Variants in ESR2 observed in about 807,000 individuals in gnomAD.
The protein encoded by ESR2 is estrogen receptor 2, also known as estrogen receptor beta.
Under a neutral mutation model 49.6 loss-of-function variants are expected in ESR2, and 36 were observed. The ratio of observed to expected loss-of-function variants is 0.73; its 90% CI spans 0.56 to 0.96. The LOEUF (loss-of-function observed/expected upper bound fraction) is 0.96, where lower values mean the gene tolerates loss of function less well. Ranked by LOEUF, ESR2 falls within the 40% of genes least tolerant of loss-of-function variation. The probability of loss-of-function intolerance (pLI) is 0.00; values close to 1 mark genes in which losing one functional copy is unlikely to be tolerated. For synonymous variants in ESR2, 320 were observed against 266.1 expected (o/e 1.20, Z -1.97); for missense variants, 714 against 693.0 (o/e 1.03, Z -0.34).
Position 64,234,959 on chromosome 14 carries a change from A to G in ESR2, c.1406+11T>C. 2 of 1,612,804 alleles carry G rather than the reference A, an allele frequency of 1.2e-6. No homozygotes were observed. Among genetic ancestry groups the G allele is most frequent in the Non-Finnish European group, 1.7e-6 (2 of 1,178,930 alleles). On this transcript the variant is annotated intron_variant, in intron 8 of 8. Coordinates refer to ENST00000341099, the MANE Select transcript of ESR2 (RefSeq NM_001437.3). Reference sequence around the variant, plus strand: ...CCAAGCCCAAGCAGAGCAGCTCCTTAGGGCGCGTACCTCGCATGCCTGACG... The same window carrying G: ...CCAAGCCCAAGCAGAGCAGCTCCTTGGGGCGCGTACCTCGCATGCCTGACG...
At chr14:64,272,707 T>G (rs2076475672) in intron 3 of ESR2, among the ~76,000 whole-genome samples, 1 of 152,222 alleles carries the variant, frequency 6.6e-6, no homozygotes, top group Admixed American at 6.5e-5. Flanking sequence ...GGGTTCTCTA[T>G]TCTGTTCCAT....
chr14:64,260,819 T>G lies in ESR2; in HGVS notation c.653-71A>C, dbSNP rs1319955741. On this transcript the variant is annotated intron_variant, in intron 4 of 8. Coordinates refer to ENST00000341099, the MANE Select transcript of ESR2 (RefSeq NM_001437.3). ...AGTCAAGCAAAAGCAGCTTGACTTT[T>G]ATTTTCTGGAGCCTGTGGGGCACGT... is the stretch of plus-strand genomic sequence containing the variant. The G allele has an allele frequency of 5.1e-6, 7 of 1,363,000 alleles. No homozygotes were observed. In the African/African-American group the frequency reaches 7.5e-5, roughly 15 times the overall value. The allele number at this position is 1,363,000 out of a possible 1,614,324, so 84.4% of individuals were successfully genotyped here. A position where few individuals can be genotyped will look rare whatever the true frequency, so the allele number is the denominator to read the frequency against.
chr14:64,332,221 C>T (rs986049759), intron 1 of ESR2: 2 of 152,204 alleles, frequency 1.3e-5, no homozygotes, highest in African/African-American at 4.8e-5. Context: ...ACCTTGATCT[C>T]TTGTTGCTGG....
upstream of ESR2, among the ~76,000 whole-genome samples, chr14:64,298,704 T>C (rs1033894600): frequency 6.6e-6 from 1 of 152,228 alleles, no homozygotes; most frequent in African/African-American, 2.4e-5. Context: ...AAGCAGCACC[T>C]GCAGCCAACT....
intron 8 of ESR2, 75 bp downstream of exon 8, chr14:64,234,895 C>T: frequency 6.4e-7 from 1 of 1,565,824 alleles, no homozygotes; most frequent in African/African-American, 1.4e-5. Flanking sequence ...GACACTTTTC[C>T]CAAATCACTT....
chr14:64,263,125 T>C (rs1446641803), intron 4 of ESR2, among the ~76,000 whole-genome samples: 1 of 152,164 alleles, frequency 6.6e-6, no homozygotes, highest in East Asian at 1.9e-4. Flanking sequence ...AGAGTGACTC[T>C]GAAATTATAC....
intron 1 of ESR2, among the ~76,000 whole-genome samples, chr14:64,286,863 T>C (rs1195572525): frequency 6.6e-6 from 1 of 151,606 alleles, no homozygotes; most frequent in Non-Finnish European, 1.5e-5. Context: ...ATTATAAGCA[T>C]GCACAATTAG....
At chr14:64,288,539 G>A (rs376106487) in intron 1 of ESR2, among the ~76,000 whole-genome samples, 1 of 151,646 alleles carries the variant, frequency 6.6e-6, no homozygotes, top group Admixed American at 6.6e-5. Flanking sequence ...TAGTAGAGAC[G>A]GGGTTTCACC....
chr14:64,241,032 G>A (rs1207228413), intron 7 of ESR2, among the ~76,000 whole-genome samples: 1 of 151,304 alleles, frequency 6.6e-6, no homozygotes, highest in African/African-American at 2.4e-5. Context: ...TGTAGTCCCA[G>A]CTACTGGGGA....
Position 64,257,341 on chromosome 14 carries a change from C to T in ESR2, c.976G>A (p.Asp326Asn), listed in dbSNP as rs905821436. ...IPGFVELSLF[D>N]QVRLLESCWM... Reference sequence around the variant, plus strand: ...CAGCTCTCCAAGAGCCGCACTTGGTCGAACAGGCTGAGCTCCACAAAGCCT... The same window carrying T: ...CAGCTCTCCAAGAGCCGCACTTGGTTGAACAGGCTGAGCTCCACAAAGCCT... The change falls in exon 6 of 9, where the codon GAC becomes AAC. Residue 326 changes from aspartate to asparagine, a missense_variant. By Grantham distance (23) the Asp-to-Asn change is conservative. Transcript: ENST00000341099. 9 of 1,613,068 alleles carry T rather than the reference C, an allele frequency of 5.6e-6. No individual in the cohort carries two copies. Among genetic ancestry groups the T allele is most frequent in the African/African-American group, 5.3e-5 (4 of 74,898 alleles).
intron 6 of ESR2, among the ~76,000 whole-genome samples, chr14:64,252,862 CT>C (rs372277153): frequency 2.6e-4 from 39 of 147,478 alleles, no homozygotes; most frequent in Admixed American, 6.1e-4. Context: ...TTGACAATCA[CT>C]TTTTTTTTTT....
chr14:64,284,252 C>T (rs1377897335), intron 1 of ESR2, among the ~76,000 whole-genome samples: 2 of 150,532 alleles, frequency 1.3e-5, no homozygotes, highest in African/African-American at 4.9e-5. Flanking sequence ...TGAATGTGCC[C>T]TTCAATTTAT....
intron 2 of ESR2, 35 bp downstream of exon 2, chr14:64,282,589 T>A: frequency 6.5e-7 from 1 of 1,548,376 alleles, no homozygotes; most frequent in East Asian, 2.3e-5. Context: ...GAGAAATGGC[T>A]AGCAACTATA....
chr14:64,284,581 C>A (rs1271138270), intron 1 of ESR2, among the ~76,000 whole-genome samples: 1 of 152,070 alleles, frequency 6.6e-6, no homozygotes, highest in Admixed American at 6.5e-5. Context: ...TTCGGCCTCC[C>A]AAAGTGCTGG....
chr14:64,318,918 G>A (rs1223155641), intron 1 of ESR2, among the ~76,000 whole-genome samples: 2 of 152,090 alleles, frequency 1.3e-5, no homozygotes, highest in Non-Finnish European at 2.9e-5. Flanking sequence ...GCATGTGCCT[G>A]TAATCCCAGC....
chr14:64,248,181 G>T (rs1467240810), intron 7 of ESR2, among the ~76,000 whole-genome samples: 1 of 149,308 alleles, frequency 6.7e-6, no homozygotes, highest in African/African-American at 2.5e-5. Flanking sequence ...GCAACAGAGT[G>T]ACACCCTGTC....
In ESR2 at chr14:64,328,209, G is replaced by A. The variant is rs186171737; in HGVS notation, c.-91+9689C>T. On this transcript the variant is annotated intron_variant, in intron 1 of 8. Coordinates refer to the ESR2 transcript ENST00000358599. ...TGCACTCCAGCTTGGGTGACACAACGAGACTTCGTCTCAAAAAAATAAATA... is the reference window on the plus strand; with the variant it reads ...TGCACTCCAGCTTGGGTGACACAACAAGACTTCGTCTCAAAAAAATAAATA... Among the ~76,000 whole-genome samples, 286 of 151,334 alleles carry A rather than the reference G, an allele frequency of 1.9e-3. 2 individuals carry two copies. The highest frequency in any genetic ancestry group is 6.5e-3 in the African/African-American group (266 of 41,198).
At chr14:64,329,002 T>C (rs1483974466) in intron 1 of ESR2, among the ~76,000 whole-genome samples, 2 of 152,146 alleles carry the variant, frequency 1.3e-5, no homozygotes, top group African/African-American at 4.8e-5. Flanking sequence ...TTTTAAAATA[T>C]TATTTATATT....
Position 64,232,923 on chromosome 14 carries a change from T to A in ESR2, c.*214A>T, listed in dbSNP as rs1430118033. 5.1e-6 allele frequency: 5 copies of A among 974,994 alleles called. No individual in the cohort carries two copies. The highest frequency in any genetic ancestry group is 7.0e-6 in the Non-Finnish European group (5 of 712,232). 60.4% of individuals were successfully genotyped at this position (974,994 alleles called of 1,614,324 possible). Reference sequence around the variant, plus strand: ...GGCCATTGAGTGTGGAAACGCTGCATTCAAATGTGCCCTCTGCTAACAAGG... The same window carrying A: ...GGCCATTGAGTGTGGAAACGCTGCAATCAAATGTGCCCTCTGCTAACAAGG... On this transcript the variant is annotated 3_prime_UTR_variant, in exon 9 of 9. Transcript: ENST00000341099.
Sources: gnomAD v4.1 joint callset for allele counts (sites outside exome capture counted in the v4.1 genomes callset) on GRCh38, gnomAD v4.1.1 for gene constraint, MANE v1.5 for transcripts, NCBI Gene and HGNC (gene_info 2026-07-23, HGNC 2026-07-21) for gene names.